LINGO2: variants seen among roughly 807,000 people sequenced by gnomAD.
LINGO2 encodes the protein leucine-rich repeat and immunoglobulin-like domain-containing nogo receptor-interacting protein 2.
Under a neutral mutation model 30.6 loss-of-function variants are expected in LINGO2, and 14 were observed. The ratio of observed to expected loss-of-function variants is 0.46; its 90% CI spans 0.30 to 0.72. The LOEUF is 0.72. LINGO2 is among the 30% of genes least tolerant of loss of function. The pLI is 0.07. For missense variants in LINGO2, 729 were observed against 751.7 expected (o/e 0.97, Z 0.35); for synonymous variants, 317 against 288.5 (o/e 1.10, Z -1.00).
intron 4 of LINGO2, among the ~76,000 whole-genome samples, chr9:28,235,548 CA>C (rs763488135): frequency 2.3e-4 from 35 of 152,108 alleles, no homozygotes; most frequent in Non-Finnish European, 4.6e-4. Flanking sequence ...CTTTCAGACA[CA>C]GAATTCAAAA....
the LINGO2 span, among the ~76,000 whole-genome samples, chr9:28,684,263 C>T: frequency 7.6e-6 from 1 of 131,700 alleles, no homozygotes; most frequent in Non-Finnish European, 1.5e-5. Context: ...TCTCGGCTCA[C>T]TGCAAGCTCC....
At chr9:29,066,131 G>A in the LINGO2 span, among the ~76,000 whole-genome samples, 9 of 151,654 alleles carry the variant, frequency 5.9e-5, no homozygotes, top group African/African-American at 2.2e-4. Context: ...GGAGAGTCTC[G>A]CAAGTTATTA....
intron 4 of LINGO2, among the ~76,000 whole-genome samples, chr9:28,255,798 A>G (rs1211549236): frequency 6.6e-6 from 1 of 152,080 alleles, no homozygotes; most frequent in Non-Finnish European, 1.5e-5. Flanking sequence ...TCATATTTGC[A>G]ATGTGTTCTC....
chr9:28,131,836 C>T (rs1384387350), intron 4 of LINGO2, among the ~76,000 whole-genome samples: 3 of 152,120 alleles, frequency 2.0e-5, no homozygotes, highest in African/African-American at 2.4e-5. Context: ...GGGAAATTTA[C>T]ATTTTGAAAG....
the LINGO2 span, among the ~76,000 whole-genome samples, chr9:29,020,443 C>T: frequency 1.3e-5 from 2 of 152,056 alleles, no homozygotes; most frequent in African/African-American, 2.4e-5. Flanking sequence ...GGAAATATTT[C>T]CAAGAAAGGA....
At chr9:28,337,214 A>G (rs1207997153) in intron 3 of LINGO2, among the ~76,000 whole-genome samples, 1 of 151,740 alleles carries the variant, frequency 6.6e-6, no homozygotes, top group African/African-American at 2.4e-5. Context: ...TCTGTATTTT[A>G]GACATTTTCT....
At chr9:28,325,052 C>T (rs185257401) in intron 3 of LINGO2, among the ~76,000 whole-genome samples, 125 of 151,766 alleles carry the variant, frequency 8.2e-4, no homozygotes, top group Non-Finnish European at 1.5e-3. Flanking sequence ...CTCACATACA[C>T]TCCCTCTCTC....
At chr9:28,161,624 A>G (rs553812158) in intron 4 of LINGO2, among the ~76,000 whole-genome samples, 1 of 152,236 alleles carries the variant, frequency 6.6e-6, no homozygotes, top group South Asian at 2.1e-4. Context: ...TGTATATTGA[A>G]AATAGAACGA....
At chr9:29,188,911 G>A in the LINGO2 span, among the ~76,000 whole-genome samples, 1 of 149,808 alleles carries the variant, frequency 6.7e-6, no homozygotes, top group Admixed American at 6.6e-5. Flanking sequence ...GGGTGGCCGG[G>A]CAGAGGCGCC....
the LINGO2 span, among the ~76,000 whole-genome samples, chr9:28,978,386 C>G: frequency 6.6e-6 from 1 of 152,084 alleles, no homozygotes; most frequent in Non-Finnish European, 1.5e-5. Flanking sequence ...CTGGGTATTT[C>G]TGTGCCTATG....
chr9:28,108,632 T>A (rs1379820967), intron 4 of LINGO2, among the ~76,000 whole-genome samples: 2 of 152,100 alleles, frequency 1.3e-5, no homozygotes, highest in Non-Finnish European at 2.9e-5. Flanking sequence ...CTGTTAGGTT[T>A]GTTCAGAGTA....
the LINGO2 span, among the ~76,000 whole-genome samples, chr9:29,041,269 A>C: frequency 6.6e-6 from 1 of 152,180 alleles, no homozygotes; most frequent in East Asian, 1.9e-4. Context: ...AAATTGATTT[A>C]TAGTTTTAAT....
chr9:29,029,839 A>C, the LINGO2 span, among the ~76,000 whole-genome samples: 1 of 150,524 alleles, frequency 6.6e-6, no homozygotes, highest in African/African-American at 2.4e-5. Flanking sequence ...AGAAGATATA[A>C]ATCATATTTA....
rs1036311813 is a variant in LINGO2 at position 28,611,210 on chromosome 9, G to A, written c.-365+58990C>T. Among the ~76,000 whole-genome samples the A allele has an allele frequency of 2.0e-5, 3 of 152,018 alleles. 1 individual carries two copies. The South Asian group carries it at 6.2e-4, about 31-fold the overall frequency. On this transcript the variant is annotated intron_variant, in intron 1 of 5. Coordinates refer to ENST00000379992, the Ensembl canonical transcript of LINGO2. ...AAATACTTTTTCCAGCTTTATTGAGGTATAATTGACAAATTGTATACAATT... is the reference window on the plus strand; with the variant it reads ...AAATACTTTTTCCAGCTTTATTGAGATATAATTGACAAATTGTATACAATT...
chr9:28,471,933 C>G (rs1249899714), intron 2 of LINGO2, among the ~76,000 whole-genome samples: 2 of 152,066 alleles, frequency 1.3e-5, no homozygotes, highest in Non-Finnish European at 2.9e-5. Flanking sequence ...ATATTGAGAC[C>G]AAGAGGCCAC....
intron 1 of LINGO2, among the ~76,000 whole-genome samples, chr9:28,613,132 G>A (rs375145972): frequency 5.3e-5 from 8 of 152,096 alleles, no homozygotes; most frequent in Non-Finnish European, 8.8e-5. Context: ...CTGAGACTCC[G>A]CAGCCACGGT....
intron 2 of LINGO2, among the ~76,000 whole-genome samples, chr9:28,411,525 C>T (rs1426142755): frequency 6.6e-6 from 1 of 152,106 alleles, no homozygotes; most frequent in African/African-American, 2.4e-5. Flanking sequence ...TTCCTGCCAA[C>T]CACCATTCTG....
chr9:28,353,194 CT>C lies in LINGO2; in HGVS notation c.-246+19641del, dbSNP rs1180711383. On this transcript the variant is annotated intron_variant, in intron 3 of 5. Transcript: ENST00000379992. ...AAGAGCTTCTGCACAGCAAAAGAAA[CT>C]ACCATCAGAGTGAACAGGCAACCTA... is the stretch of plus-strand genomic sequence containing the variant. Among the ~76,000 whole-genome samples, 566 of 135,654 alleles carry C rather than the reference CT, an allele frequency of 4.2e-3. 1 individual carries two copies. Among genetic ancestry groups the C allele is most frequent in the Admixed American group, 7.0e-3 (91 of 13,070 alleles). 89.0% of individuals were successfully genotyped at this position (135,654 alleles called of 152,430 possible). A position where few individuals can be genotyped will look rare whatever the true frequency, so the allele number is the denominator to read the frequency against.
At chr9:29,166,047 A>G in the LINGO2 span, among the ~76,000 whole-genome samples, 5 of 152,130 alleles carry the variant, frequency 3.3e-5, no homozygotes, top group African/African-American at 1.2e-4. Context: ...ATATACATAT[A>G]ATCAATTTAT....
Sources: allele counts gnomAD v4.1 joint callset (sites outside exome capture counted in the v4.1 genomes callset), GRCh38; gene constraint gnomAD v4.1.1; transcripts MANE v1.5; gene names NCBI Gene and HGNC (gene_info 2026-07-23, HGNC 2026-07-21).